CNGA3: variants seen among roughly 807,000 people sequenced by gnomAD.
CNGA3 encodes the protein cyclic nucleotide gated channel subunit alpha 3, also known as cyclic nucleotide-gated channel alpha-3.
Under a neutral mutation model 46.6 loss-of-function variants are expected in CNGA3, and 42 were observed. The ratio of observed to expected loss-of-function variants is 0.90; its 90% CI spans 0.70 to 1.17. CNGA3 has a LOEUF of 1.17. Among genes scored for constraint, CNGA3 ranks in the 50% most tolerant of loss-of-function variants. The pLI is 0.00. For synonymous variants in CNGA3, 394 were observed against 369.4 expected (o/e 1.07, Z -0.76); for missense variants, 893 against 890.7 (o/e 1.00, Z -0.03).
chr2:98,374,882 T>C (rs1285882809), intron 2 of CNGA3, among the ~76,000 whole-genome samples: 1 of 152,276 alleles, frequency 6.6e-6, no homozygotes, highest in African/African-American at 2.4e-5. Context: ...CTCCCTGTTC[T>C]TCACGGCCAG....
intron 6 of CNGA3, 89 bp from the exon 7 acceptor site, chr2:98,391,775 T>G: frequency 8.1e-7 from 1 of 1,230,036 alleles, no homozygotes; most frequent in East Asian, 2.3e-5. Flanking sequence ...TGATCCAGCG[T>G]CTTCCACACA....
chr2:98,387,741 C>T (rs1224988836), intron 5 of CNGA3, among the ~76,000 whole-genome samples: 1 of 152,224 alleles, frequency 6.6e-6, no homozygotes, highest in Admixed American at 6.5e-5. Context: ...ACAGACCCGC[C>T]TCTTCGAATG....
chr2:98,374,056 G>A (rs1019033962), intron 2 of CNGA3, among the ~76,000 whole-genome samples: 1 of 152,234 alleles, frequency 6.6e-6, no homozygotes, highest in African/African-American at 2.4e-5. Flanking sequence ...GGAAATTAAA[G>A]TGTCGTATTC....
intron 5 of CNGA3, among the ~76,000 whole-genome samples, chr2:98,385,875 G>A (rs984333923): frequency 4.6e-5 from 7 of 152,104 alleles, no homozygotes; most frequent in African/African-American, 1.4e-4. Flanking sequence ...TGGGGTAGGT[G>A]CCGTAAACAA....
At chr2:98,382,923 G>A (rs936118853) in intron 4 of CNGA3, among the ~76,000 whole-genome samples, 4 of 152,182 alleles carry the variant, frequency 2.6e-5, no homozygotes, top group African/African-American at 4.8e-5. Flanking sequence ...AGCTGAGGGA[G>A]CAAGTCGCTG....
At chr2:98,394,327 C>T (rs952750940) in intron 7 of CNGA3, among the ~76,000 whole-genome samples, 5 of 152,064 alleles carry the variant, frequency 3.3e-5, no homozygotes, top group African/African-American at 9.7e-5. Flanking sequence ...GGGTGGGTCC[C>T]GAACTTCATA....
intron 5 of CNGA3, among the ~76,000 whole-genome samples, chr2:98,386,179 C>T (rs1158895612): frequency 6.6e-6 from 1 of 152,122 alleles, no homozygotes; most frequent in Non-Finnish European, 1.5e-5. Flanking sequence ...GAACAATCTC[C>T]CCCAAAAGAT....
At chr2:98,393,091 C>A (rs1361313194) in intron 7 of CNGA3, among the ~76,000 whole-genome samples, 2 of 152,100 alleles carry the variant, frequency 1.3e-5, no homozygotes, top group African/African-American at 4.8e-5. Flanking sequence ...CATAGCAAGA[C>A]CTTGTCTCTA....
intron 7 of CNGA3, among the ~76,000 whole-genome samples, chr2:98,392,513 A>T (rs1692813496): frequency 6.6e-6 from 1 of 151,908 alleles, no homozygotes; most frequent in African/African-American, 2.4e-5. Flanking sequence ...GTGAGTGGAG[A>T]TCATGCCACT....
chr2:98,364,737 T>C (rs908034464), intron 1 of CNGA3, among the ~76,000 whole-genome samples: 5 of 152,230 alleles, frequency 3.3e-5, no homozygotes, highest in African/African-American at 1.2e-4. Flanking sequence ...CAGTCTGTTT[T>C]TGTAGTGGCT....
At chr2:98,362,324 C>T (rs1275141599) in intron 1 of CNGA3, among the ~76,000 whole-genome samples, 1 of 151,670 alleles carries the variant, frequency 6.6e-6, no homozygotes, top group Non-Finnish European at 1.5e-5. Context: ...GGATTACAGG[C>T]GCCTGCCACC....
intron 1 of CNGA3, among the ~76,000 whole-genome samples, chr2:98,367,708 TC>T (rs1483112384): frequency 2.6e-5 from 4 of 152,000 alleles, no homozygotes; most frequent in Non-Finnish European, 4.4e-5. Context: ...CAGCACCTCT[TC>T]CTCCCCACCC....
chr2:98,370,235 C>T (rs1277162582), intron 2 of CNGA3, among the ~76,000 whole-genome samples, 159 bp downstream of exon 2: 2 of 152,204 alleles, frequency 1.3e-5, no homozygotes, highest in African/African-American at 2.4e-5. Flanking sequence ...TTTCATCTCA[C>T]TTAATCCTCA....
At chr2:98,362,794 T>C (rs538231831) in intron 1 of CNGA3, among the ~76,000 whole-genome samples, 1 of 152,344 alleles carries the variant, frequency 6.6e-6, no homozygotes, top group South Asian at 2.1e-4. Context: ...GGTTTTACAT[T>C]TAAGTCTCTA....
chr2:98,372,208 T>C (rs1164378769), intron 2 of CNGA3, among the ~76,000 whole-genome samples: 1 of 152,268 alleles, frequency 6.6e-6, no homozygotes, highest in Non-Finnish European at 1.5e-5. Context: ...CTCACCCTGG[T>C]TCTGCTTTGG....
At chr2:98,387,710 G>T (rs3754895) in intron 5 of CNGA3, among the ~76,000 whole-genome samples, 126,692 of 152,152 alleles carry the variant, frequency 0.83, 53,142 homozygotes, top group Admixed American at 0.93. Flanking sequence ...GCGACCACAC[G>T]TATTTGCCAC....
chr2:98,383,481 G>C (rs1234677559), intron 5 of CNGA3, 40 bp downstream of exon 5: 4 of 1,607,462 alleles, frequency 2.5e-6, no homozygotes, highest in African/African-American at 2.7e-5. Flanking sequence ...CCCCAAGCCC[G>C]GTGCCCTCCA....
intron 2 of CNGA3, chr2:98,377,342 T>G: frequency 3.9e-6 from 1 of 258,296 alleles, no homozygotes; most frequent in Admixed American, 4.7e-5. Context: ...CGTTCTGGAG[T>G]CATTTTATGG....
intron 1 of CNGA3, among the ~76,000 whole-genome samples, chr2:98,352,791 T>C (rs1406104769): frequency 6.6e-6 from 1 of 152,192 alleles, no homozygotes; most frequent in African/African-American, 2.4e-5. Context: ...TGCCCTCTAT[T>C]GGCCCTCTGG....
Sources: gnomAD v4.1 joint callset for allele counts (sites outside exome capture counted in the v4.1 genomes callset) on GRCh38, gnomAD v4.1.1 for gene constraint, MANE v1.5 for transcripts, NCBI Gene and HGNC (gene_info 2026-07-23, HGNC 2026-07-21) for gene names.